FRAS1: variants seen among roughly 807,000 people sequenced by gnomAD.
FRAS1 encodes the protein Fraser extracellular matrix complex subunit 1.
Under a neutral mutation model 435.2 loss-of-function variants are expected in FRAS1, and 290 were observed. That is an observed-to-expected ratio of 0.67 (90% confidence interval 0.61 to 0.73). The LOEUF is 0.73. Ranked by LOEUF, FRAS1 falls within the 30% of genes least tolerant of loss-of-function variation. The probability of loss-of-function intolerance (pLI) is 0.00; values close to 1 mark genes in which losing one functional copy is unlikely to be tolerated. For missense variants in FRAS1, 4,860 were observed against 5,001.5 expected (o/e 0.97, Z 0.85); for synonymous variants, 1,800 against 1,851.0 (o/e 0.97, Z 0.71).
At chr4:78,124,500 G>A (rs1299753790) in intron 2 of FRAS1, among the ~76,000 whole-genome samples, 1 of 152,180 alleles carries the variant, frequency 6.6e-6, no homozygotes, top group Non-Finnish European at 1.5e-5. Flanking sequence ...AATGAGTTAG[G>A]GAGGATTCTA....
chr4:78,272,795 G>C (rs1442043371), intron 9 of FRAS1, among the ~76,000 whole-genome samples: 1 of 152,148 alleles, frequency 6.6e-6, no homozygotes, highest in Non-Finnish European at 1.5e-5. Context: ...GGCAATGCAG[G>C]CTCTTTTTTT....
At chr4:78,064,700 C>T (rs1739914623) in intron 1 of FRAS1, among the ~76,000 whole-genome samples, 2 of 151,528 alleles carry the variant, frequency 1.3e-5, no homozygotes. Context: ...TGTAAATAGT[C>T]ATCTCAGTTT....
chr4:78,354,080 G>A (rs546323395), intron 20 of FRAS1, among the ~76,000 whole-genome samples: 23 of 149,742 alleles, frequency 1.5e-4, no homozygotes, highest in Non-Finnish European at 2.5e-4. Context: ...TGCTCATGAC[G>A]TGTTGTTGGC....
In FRAS1 at chr4:78,508,951, G is replaced by A. The variant is rs185488591; in HGVS notation, c.9725G>A (p.Arg3242Gln). Residue 3242 changes from arginine (R) to glutamine (Q), a missense_variant, in exon 63 of 74, where the codon CGG becomes CAG. Arg to Gln is a conservative substitution (Grantham distance 43, BLOSUM62 1). Transcript: ENST00000512123. Reference sequence around the variant, plus strand: ...GCCCCCACTGATGGCAATGGGGCCCGGTCTCCCTTTGAAACCATCACTGAC... The same window carrying A: ...GCCCCCACTGATGGCAATGGGGCCCAGTCTCCCTTTGAAACCATCACTGAC... ...VAAPTDGNGA[R>Q]SPFETITDNT... 2.5e-5 allele frequency: 41 copies of A among 1,613,916 alleles called. No homozygotes were observed. The highest frequency in any genetic ancestry group is 9.3e-5 in the African/African-American group (7 of 75,010).
chr4:78,438,838 T>A (rs373259681), intron 39 of FRAS1, 64 bp from the exon 40 acceptor site: 28 of 1,522,002 alleles, frequency 1.8e-5, no homozygotes, highest in East Asian at 9.0e-5. Context: ...TAAACAAAGA[T>A]GCTGCTGTCT....
Position 78,479,465 on chromosome 4 carries a change from T to C in FRAS1, c.8190T>C (p.Asp2730=). ...TCTATGCTCTAGAATCAGGCTCTGA[T>C]TTTAAATCTAGAGGGATGTCTGCCG... ...SSLYALESGS[D]FKSRGMSAAS... is the part of the protein sequence containing the mutation. Residue 2730 remains aspartate, a synonymous_variant, in exon 56 of 74, where the codon GAT becomes GAC. Coordinates refer to ENST00000512123, the MANE Select transcript of FRAS1 (RefSeq NM_025074.7). The C allele has an allele frequency of 6.2e-7, 1 of 1,608,390 alleles. No homozygotes were observed. The highest frequency in any genetic ancestry group is 8.5e-7 in the Non-Finnish European group (1 of 1,176,056).
chr4:78,188,494 C>T (rs201010630), intron 2 of FRAS1, among the ~76,000 whole-genome samples: 80 of 152,290 alleles, frequency 5.3e-4, no homozygotes, highest in Non-Finnish European at 9.6e-4. Context: ...GAAATTTTTT[C>T]CTCCTCAGGG....
Position 78,104,706 on chromosome 4 carries a change from G to A in FRAS1, c.108+38690G>A, listed in dbSNP as rs187427426. 2.4e-3 allele frequency among the ~76,000 whole-genome samples: 369 copies of A among 152,290 alleles called. 3 individuals carry two copies. The highest frequency in any genetic ancestry group is 2.0e-3 in the Non-Finnish European group (138 of 68,014). ...TGCCAGGTGTTGGTGGTATGGAAAT[G>A]AGACATGAAATGCTTGTCTTCAAAG... is the stretch of plus-strand genomic sequence containing the variant. On this transcript the variant is annotated intron_variant, in intron 2 of 73. Transcript: ENST00000512123.
At chr4:78,452,131 G>A (rs775895232) in intron 46 of FRAS1, 44 bp from the exon 47 acceptor site, 4 of 1,582,352 alleles carry the variant, frequency 2.5e-6, no homozygotes, top group Non-Finnish European at 3.5e-6. Flanking sequence ...AAGAAAGGAG[G>A]CTGAGAAGAT....
intron 20 of FRAS1, among the ~76,000 whole-genome samples, chr4:78,343,736 G>C (rs1184740700): frequency 6.6e-6 from 1 of 152,068 alleles, no homozygotes; most frequent in Non-Finnish European, 1.5e-5. Context: ...CTGAATAACA[G>C]GGGGGAAAAC....
Position 78,379,987 on chromosome 4 carries a change from A to T in FRAS1, c.3554A>T (p.Glu1185Val), listed in dbSNP as rs1187146763. Residue 1185 changes from glutamate to valine, a missense_variant, in exon 27 of 74, where the codon GAA becomes GTA. By Grantham distance (121) the Glu-to-Val change is moderately radical. Transcript: ENST00000512123. ...AAAGTGCGTTTTGTGCACAGCAAAGAAAAACTCAGGTGACTCTGTGTTCTG... is the reference window on the plus strand; with the variant it reads ...AAAGTGCGTTTTGTGCACAGCAAAGTAAAACTCAGGTGACTCTGTGTTCTG... ...EKKVRFVHSK[E>V]KLRKGYLFLK... 1.9e-6 allele frequency: 3 copies of T among 1,612,328 alleles called. No homozygotes were observed. The South Asian group carries it at 3.3e-5, about 18-fold the overall frequency.
intron 29 of FRAS1, among the ~76,000 whole-genome samples, chr4:78,399,353 T>C (rs373936765): frequency 1.3e-5 from 2 of 152,342 alleles, no homozygotes; most frequent in African/African-American, 4.8e-5. Flanking sequence ...TGGTGTTTGC[T>C]CTGTTCCATT....
intron 8 of FRAS1, 141 bp from the exon 9 acceptor site, chr4:78,267,100 G>A (rs895780861): frequency 3.2e-6 from 3 of 946,164 alleles, no homozygotes; most frequent in Admixed American, 2.6e-5. Context: ...GGGTTGAGGT[G>A]CAAGGGACCC....
intron 2 of FRAS1, among the ~76,000 whole-genome samples, chr4:78,101,851 C>T (rs187844036): frequency 2.0e-5 from 3 of 152,296 alleles, no homozygotes; most frequent in African/African-American, 7.2e-5. Flanking sequence ...AGAGCAAGTA[C>T]ATCCATCGAG....
intron 10 of FRAS1, among the ~76,000 whole-genome samples, chr4:78,280,007 CTTTCACAG>C (rs1489305596): frequency 2.6e-5 from 4 of 152,186 alleles, no homozygotes; most frequent in African/African-American, 9.6e-5. Context: ...GTGGCTGTAA[CTTTCACAG>C]TTTGAGATGC....
chr4:78,511,580 C>A, intron 64 of FRAS1, 74 bp downstream of exon 64: 2 of 1,102,906 alleles, frequency 1.8e-6, no homozygotes, highest in Non-Finnish European at 2.7e-6. Context: ...TTTCCCAGGA[C>A]AATCAATAAG....
chr4:78,446,205 A>G (rs2109831644), intron 42 of FRAS1: 1 of 997,654 alleles, frequency 1.0e-6, no homozygotes, highest in South Asian at 4.6e-5. Context: ...AAATCTCAGA[A>G]TGAAATACCC....
intron 58 of FRAS1, among the ~76,000 whole-genome samples, chr4:78,484,296 T>A (rs1404491872): frequency 6.6e-6 from 1 of 152,220 alleles, no homozygotes; most frequent in African/African-American, 2.4e-5. Context: ...ACCTATTGAA[T>A]GACATTTGGG....
At chr4:78,207,771 G>A (rs994239268) in intron 2 of FRAS1, among the ~76,000 whole-genome samples, 3 of 152,168 alleles carry the variant, frequency 2.0e-5, no homozygotes, top group African/African-American at 4.8e-5. Flanking sequence ...TTTCCTCTGC[G>A]TTCAAGGTCC....
Sources: allele counts gnomAD v4.1 joint callset (sites outside exome capture counted in the v4.1 genomes callset), GRCh38; gene constraint gnomAD v4.1.1; transcripts MANE v1.5; gene names NCBI Gene and HGNC (gene_info 2026-07-23, HGNC 2026-07-21).